INTS6L: variants seen among roughly 807,000 people sequenced by gnomAD.
INTS6L encodes integrator complex subunit 6 like, also known as integrator complex subunit 6-like.
In INTS6L, 18 loss-of-function variants were observed where a neutral mutation model predicts 64.7. The observed-to-expected ratio is 0.28, with a 90% CI of 0.19 to 0.41. The LOEUF is 0.41. Ranked by LOEUF, INTS6L falls within the 10% of genes least tolerant of loss-of-function variation. The pLI, the probability that INTS6L is intolerant of heterozygous loss-of-function variation, is 1.00. For synonymous variants in INTS6L, 227 were observed against 235.9 expected (o/e 0.96, Z 0.34); for missense variants, 533 against 661.0 (o/e 0.81, Z 2.12).
At chrX:135,532,300 C>T (rs923333120) in intron 2 of INTS6L, among the ~76,000 whole-genome samples, 3 of 112,325 alleles carry the variant, frequency 2.7e-5, no homozygotes, top group South Asian at 3.7e-4. Context: ...AGGATGTTGG[C>T]GATATGCAGA....
intron 2 of INTS6L, among the ~76,000 whole-genome samples, chrX:135,529,764 C>A (rs1211005022): frequency 4.5e-5 from 5 of 112,218 alleles, no homozygotes; most frequent in Non-Finnish European, 7.5e-5. Flanking sequence ...TAATAATGAA[C>A]AATCACGAAA....
In INTS6L at chrX:135,549,761, C is replaced by T; in HGVS notation, c.862C>T (p.Pro288Ser). The change falls in exon 7 of 18, where the codon CCA (proline) becomes TCA (serine). Residue 288 changes from proline (P) to serine (S), a missense_variant. Pro to Ser is a moderately conservative substitution (Grantham distance 74, BLOSUM62 -1). Coordinates refer to ENST00000639893, the MANE Select transcript of INTS6L (RefSeq NM_001351601.3). ...SKTGVPVGHW[P>S]IPESFWPDQN... ...AACTGGTGTTCCTGTTGGACATTGG[C>T]CAATTCCAGAATCTTTTTGGCCAGA... 1 of 1,211,788 alleles carries T rather than the reference C, an allele frequency of 8.3e-7. No individual in the cohort carries two copies. The highest frequency in any genetic ancestry group is 1.1e-6 in the Non-Finnish European group (1 of 895,343).
chrX:135,526,513 A>G (rs1556501250), intron 2 of INTS6L, among the ~76,000 whole-genome samples: 2 of 111,708 alleles, frequency 1.8e-5, no homozygotes, highest in African/African-American at 6.5e-5. Context: ...CCTGGGACAC[A>G]TTGGTTGGCC....
intron 2 of INTS6L, among the ~76,000 whole-genome samples, chrX:135,539,970 A>G (rs1489322360): frequency 1.8e-5 from 2 of 112,311 alleles, no homozygotes; most frequent in African/African-American, 3.2e-5. Context: ...AGATATAATA[A>G]TAATGAAAAA....
chrX:135,558,981 C>T (rs1556520809), intron 9 of INTS6L, among the ~76,000 whole-genome samples: 2 of 109,652 alleles, frequency 1.8e-5, no homozygotes, highest in African/African-American at 6.7e-5. Context: ...TGAGGTTTCA[C>T]CATATTTTCC....
chrX:135,571,037 C>T (rs782498077), intron 11 of INTS6L: 4 of 113,336 alleles, frequency 3.5e-5, no homozygotes, highest in Non-Finnish European at 5.5e-5. Flanking sequence ...GGAGATGAGA[C>T]CAGTGTTCCT....
At chrX:135,572,493 C>T in intron 11 of INTS6L, 1 of 176,200 alleles carries the variant, frequency 5.7e-6, no homozygotes, top group Non-Finnish European at 1.1e-5. Flanking sequence ...AACCTGTTCA[C>T]TTAGACTAGA....
In INTS6L at chrX:135,521,491, G is replaced by A. The variant is rs782751036; in HGVS notation, c.189+173G>A. Among the ~76,000 whole-genome samples, 10 of 109,970 alleles carry A rather than the reference G, an allele frequency of 9.1e-5. No homozygotes were observed. In the East Asian group the frequency reaches 3.0e-3, roughly 32 times the overall value. On this transcript the variant is annotated intron_variant, in intron 2 of 17. Transcript: ENST00000639893. ...CGTCGGCGGCTTCGGAGTAGCTGTC[G>A]CGCCTGGGGTCGGGGAGAGGGGACC... is the stretch of plus-strand genomic sequence containing the variant.
chrX:135,542,398 T>C (rs1355416187), intron 2 of INTS6L, among the ~76,000 whole-genome samples: 1 of 109,952 alleles, frequency 9.1e-6, no homozygotes, highest in African/African-American at 3.3e-5. Flanking sequence ...CTCAGGAGGC[T>C]GAGGCACAAG....
chrX:135,545,690 C>A, intron 3 of INTS6L, 118 bp downstream of exon 3: 1 of 718,408 alleles, frequency 1.4e-6, no homozygotes, highest in Non-Finnish European at 2.0e-6. Flanking sequence ...AAATGAGATT[C>A]TTATTACCTT....
chrX:135,539,228 A>T lies in INTS6L; in HGVS notation c.190-6195A>T, dbSNP rs193058005. On this transcript the variant is annotated intron_variant, in intron 2 of 17. Coordinates refer to ENST00000639893, the MANE Select transcript of INTS6L (RefSeq NM_001351601.3). Reference sequence around the variant, plus strand: ...GAAAATCTGTTGTTTAGTGTAGCCAATCTCATCAGTGATCTTAGCTAGATC... The same window carrying T: ...GAAAATCTGTTGTTTAGTGTAGCCATTCTCATCAGTGATCTTAGCTAGATC... Among the ~76,000 whole-genome samples, 28 of 112,564 alleles carry T rather than the reference A, an allele frequency of 2.5e-4. No homozygotes were observed. The East Asian group carries it at 7.8e-3, about 31-fold the overall frequency.
At chrX:135,569,479 T>C (rs369789742) in intron 10 of INTS6L, 48 bp downstream of exon 10, 1 of 821,316 alleles carries the variant, frequency 1.2e-6, no homozygotes, top group African/African-American at 2.1e-5. Context: ...ATGATAATTC[T>C]TGTCACAAGA....
intron 9 of INTS6L, among the ~76,000 whole-genome samples, chrX:135,556,722 A>G (rs1444035361): frequency 8.9e-6 from 1 of 111,776 alleles, no homozygotes; most frequent in Non-Finnish European, 1.9e-5. Flanking sequence ...AATAGGTACC[A>G]GAGTAAATTC....
chrX:135,580,642 T>C (rs1350053359), intron 16 of INTS6L, among the ~76,000 whole-genome samples: 2 of 112,562 alleles, frequency 1.8e-5, no homozygotes, highest in Non-Finnish European at 3.7e-5. Flanking sequence ...CTTCTGTCTT[T>C]ACATGTTTTC....
intron 2 of INTS6L, among the ~76,000 whole-genome samples, chrX:135,526,899 A>T (rs782155218): frequency 8.9e-6 from 1 of 112,309 alleles, no homozygotes; most frequent in African/African-American, 3.2e-5. Context: ...AGTAATCACT[A>T]TTAACAATTT....
chrX:135,554,179 G>T (rs1264324565), intron 8 of INTS6L, among the ~76,000 whole-genome samples: 1 of 111,611 alleles, frequency 9.0e-6, no homozygotes, highest in Non-Finnish European at 1.9e-5. Flanking sequence ...TGAATCTGTG[G>T]CTGATAAGGA....
chrX:135,580,902 G>A (rs2148683006), intron 16 of INTS6L, 148 bp from the exon 17 acceptor site: 1 of 418,840 alleles, frequency 2.4e-6, no homozygotes, highest in African/African-American at 2.6e-5. Context: ...CCTAGTAGAT[G>A]CATGCAGATA....
intron 15 of INTS6L, 52 bp downstream of exon 15, chrX:135,577,479 TA>T: frequency 1.8e-6 from 2 of 1,095,422 alleles, no homozygotes; most frequent in Non-Finnish European, 1.2e-6. Flanking sequence ...ACTAAGACGC[TA>T]AACAATTTTA....
chrX:135,562,890 A>G (rs1292141360), intron 9 of INTS6L, among the ~76,000 whole-genome samples: 1 of 111,810 alleles, frequency 8.9e-6, no homozygotes, highest in Non-Finnish European at 1.9e-5. Flanking sequence ...TTTCTTATGG[A>G]CAGCACATTT....
Sources: allele counts gnomAD v4.1 joint callset (sites outside exome capture counted in the v4.1 genomes callset), GRCh38; gene constraint gnomAD v4.1.1; transcripts MANE v1.5; gene names NCBI Gene and HGNC (gene_info 2026-07-23, HGNC 2026-07-21).